The following CACNA2D3 variants were observed in gnomAD, a reference collection of about 807,000 sequenced individuals.
CACNA2D3 encodes the protein voltage-dependent calcium channel subunit alpha-2/delta-3.
Under a neutral mutation model 160.6 loss-of-function variants are expected in CACNA2D3, and 60 were observed. The observed-to-expected ratio is 0.37, with a 90% confidence interval of 0.30 to 0.46. The LOEUF (loss-of-function observed/expected upper bound fraction) is 0.46. Among genes scored for constraint, CACNA2D3 ranks in the 20% least tolerant of loss-of-function variants. The pLI, the probability that CACNA2D3 is intolerant of heterozygous loss-of-function variation, is 1.00. For synonymous variants in CACNA2D3, 558 were observed against 492.9 expected (o/e 1.13, Z -1.75); for missense variants, 1,205 against 1,365.0 (o/e 0.88, Z 1.85).
intron 31 of CACNA2D3, among the ~76,000 whole-genome samples, chr3:55,002,334 T>C (rs960165604): frequency 6.6e-6 from 1 of 152,076 alleles, no homozygotes; most frequent in African/African-American, 2.4e-5. Context: ...CATTGGGCAG[T>C]GGGAAAAGGA....
chr3:54,388,688 C>T (rs1395881612), intron 4 of CACNA2D3, among the ~76,000 whole-genome samples: 1 of 152,114 alleles, frequency 6.6e-6, no homozygotes, highest in East Asian at 1.9e-4. Context: ...TCAGTTCTCA[C>T]AAAGATCTAG....
intron 27 of CACNA2D3, among the ~76,000 whole-genome samples, chr3:54,946,489 G>T (rs528222700): frequency 1.3e-5 from 2 of 152,180 alleles, no homozygotes; most frequent in Non-Finnish European, 2.9e-5. Context: ...ATGAAAGGAG[G>T]GGGGATGTGA....
At chr3:54,825,593 T>C (rs1703732639) in intron 14 of CACNA2D3, among the ~76,000 whole-genome samples, 1 of 152,228 alleles carries the variant, frequency 6.6e-6, no homozygotes, top group South Asian at 2.1e-4. Flanking sequence ...ATCTACACTT[T>C]ATGGCCAAGG....
chr3:54,883,398 C>T (rs1378406227), intron 21 of CACNA2D3, among the ~76,000 whole-genome samples: 1 of 152,084 alleles, frequency 6.6e-6, no homozygotes, highest in Non-Finnish European at 1.5e-5. Context: ...GTCAACAGTT[C>T]CAGTCATCAG....
At chr3:54,706,854 C>G (rs1700864894) in intron 11 of CACNA2D3, among the ~76,000 whole-genome samples, 1 of 152,132 alleles carries the variant, frequency 6.6e-6, no homozygotes, top group South Asian at 2.1e-4. Context: ...CCTGCATAGG[C>G]CAATTGTCAT....
rs555693073 is a variant in CACNA2D3, at chr3:54,751,814, T to A, written c.1168-785T>A. On this transcript the variant is annotated intron_variant, in intron 11 of 37. Coordinates refer to ENST00000474759, the MANE Select transcript of CACNA2D3 (RefSeq NM_018398.3). ...CTGCACATGGCCCATCCGAAGGGTT[T>A]TGTTTGGACTGTGTGGCATTGACCC... is the stretch of plus-strand genomic sequence containing the variant. Among the ~76,000 whole-genome samples the A allele has an allele frequency of 5.6e-4, 85 of 152,306 alleles. No homozygotes were observed. In the Middle Eastern group the frequency reaches 0.017, roughly 30 times the overall value.
intron 2 of CACNA2D3, among the ~76,000 whole-genome samples, chr3:54,229,234 C>T (rs992651698): frequency 1.3e-5 from 2 of 152,064 alleles, no homozygotes; most frequent in Admixed American, 6.5e-5. Flanking sequence ...CTCTGTCGCC[C>T]AGGCTGGAAT....
intron 11 of CACNA2D3, among the ~76,000 whole-genome samples, chr3:54,718,699 G>T (rs1701110236): frequency 6.6e-6 from 1 of 151,838 alleles, no homozygotes; most frequent in Non-Finnish European, 1.5e-5. Context: ...TCAATTTATT[G>T]ATTTCTACAA....
At chr3:54,311,023 C>T (rs111847857) in intron 2 of CACNA2D3, among the ~76,000 whole-genome samples, 2,268 of 152,278 alleles carry the variant, frequency 0.015, 57 homozygotes, top group African/African-American at 0.05. Flanking sequence ...CCGCTTGCCC[C>T]TAGCAAGTGC....
At chr3:54,219,635 C>G (rs1452664689) in intron 2 of CACNA2D3, among the ~76,000 whole-genome samples, 1 of 152,054 alleles carries the variant, frequency 6.6e-6, no homozygotes, top group African/African-American at 2.4e-5. Context: ...GGACGCGTTA[C>G]TTATGTACTG....
chr3:54,133,324 T>C (rs866364496), intron 2 of CACNA2D3, among the ~76,000 whole-genome samples: 7 of 152,226 alleles, frequency 4.6e-5, no homozygotes, highest in African/African-American at 2.4e-5. Context: ...AGACAGAGGA[T>C]GTAACTTTGC....
intron 11 of CACNA2D3, among the ~76,000 whole-genome samples, chr3:54,698,464 C>T (rs1281180481): frequency 6.6e-6 from 1 of 152,154 alleles, no homozygotes; most frequent in Non-Finnish European, 1.5e-5. Flanking sequence ...TAAAACTTGC[C>T]TTAGGAAAAC....
At chr3:55,069,171 G>A (rs1487997688) in intron 35 of CACNA2D3, among the ~76,000 whole-genome samples, 1 of 152,098 alleles carries the variant, frequency 6.6e-6, no homozygotes, top group African/African-American at 2.4e-5. Flanking sequence ...GCTGGATATG[G>A]CAAGCAACTG....
At chr3:54,249,241 G>A (rs899858530) in intron 2 of CACNA2D3, among the ~76,000 whole-genome samples, 1 of 152,190 alleles carries the variant, frequency 6.6e-6, no homozygotes, top group Non-Finnish European at 1.5e-5. Context: ...GTGCCAAGTT[G>A]ACAAGGACTT....
chr3:54,718,375 T>C (rs894323514), intron 11 of CACNA2D3, among the ~76,000 whole-genome samples: 1 of 152,190 alleles, frequency 6.6e-6, no homozygotes, highest in African/African-American at 2.4e-5. Flanking sequence ...TAAGCTTCAC[T>C]ATTAAACTTT....
chr3:54,899,927 A>C, intron 27 of CACNA2D3, 59 bp downstream of exon 27: 3 of 1,248,318 alleles, frequency 2.4e-6, no homozygotes, highest in Non-Finnish European at 3.4e-6. Context: ...TCATCCGGCC[A>C]GTGGGCTACT....
chr3:54,479,215 G>A (rs556254495), intron 4 of CACNA2D3, among the ~76,000 whole-genome samples: 14 of 152,178 alleles, frequency 9.2e-5, no homozygotes, highest in Middle Eastern at 3.4e-3. Context: ...GGACATGTTT[G>A]CTTCCCCTTC....
chr3:54,780,818 T>TG (rs1427532769), intron 13 of CACNA2D3, among the ~76,000 whole-genome samples: 2 of 151,704 alleles, frequency 1.3e-5, no homozygotes, highest in African/African-American at 2.4e-5. Flanking sequence ...ACTAAAGGAG[T>TG]GGGGGGGTTG....
chr3:54,895,308 G>A (rs1480395834), intron 25 of CACNA2D3, among the ~76,000 whole-genome samples: 2 of 152,154 alleles, frequency 1.3e-5, no homozygotes, highest in Non-Finnish European at 2.9e-5. Flanking sequence ...CGCCTGCTGA[G>A]AGCCAGGCCC....
Sources: allele counts gnomAD v4.1 joint callset (sites outside exome capture counted in the v4.1 genomes callset), GRCh38; gene constraint gnomAD v4.1.1; transcripts MANE v1.5; gene names NCBI Gene and HGNC (gene_info 2026-07-23, HGNC 2026-07-21).